The following DMAC2 variants were observed in gnomAD, a reference collection of about 807,000 sequenced individuals.
The protein encoded by DMAC2 is distal membrane-arm assembly complex protein 2.
Under a neutral mutation model 29.6 loss-of-function variants are expected in DMAC2, and 32 were observed. The observed-to-expected ratio is 1.08, with a 90% confidence interval of 0.81 to 1.45. DMAC2 has a LOEUF of 1.45. DMAC2 is among the 40% of genes most tolerant of loss of function. The probability of loss-of-function intolerance (pLI) is 0.00; values close to 1 mark genes in which losing one functional copy is unlikely to be tolerated. For missense variants in DMAC2, 319 were observed against 340.0 expected (o/e 0.94, Z 0.49); for synonymous variants, 133 against 137.4 (o/e 0.97, Z 0.23).
At chr19:41,434,397 C>CA (rs1160927067) in intron 3 of DMAC2, among the ~76,000 whole-genome samples, 26,173 of 62,936 alleles carry the variant, frequency 0.42, 5,246 homozygotes, top group East Asian at 0.52. Flanking sequence ...GACCCTATCT[C>CA]AAAAAAAAAA....
chr19:41,433,440 G>A lies in DMAC2; in HGVS notation c.434-6C>T, dbSNP rs781928235. 1.2e-6 allele frequency: 2 copies of A among 1,613,364 alleles called. 1 individual carries two copies. Among genetic ancestry groups the A allele is most frequent in the Middle Eastern group, 3.3e-4 (2 of 6,058 alleles). ...CTGGAGCTCCTTCAGGCGGACTGCG[G>A]TGGGGAGAGGGTGGGATGGCACCAG... On this transcript the variant is annotated splice_polypyrimidine_tract_variant and splice_region_variant and intron_variant, in intron 4 of 5. Coordinates refer to ENST00000221943, the MANE Select transcript of DMAC2 (RefSeq NM_018035.3).
intron 3 of DMAC2, among the ~76,000 whole-genome samples, chr19:41,435,007 C>A (rs1260139464): frequency 5.8e-4 from 79 of 135,120 alleles, no homozygotes; most frequent in South Asian, 7.2e-4. Flanking sequence ...ACTCTTGTCT[C>A]AAAAAAAAAA....
Position 41,438,321 on chromosome 19 carries a change from T to C in DMAC2, c.112A>G (p.Lys38Glu), listed in dbSNP as rs781785660. The C allele has an allele frequency of 6.2e-7, 1 of 1,614,248 alleles. No homozygotes were observed. The highest frequency in any genetic ancestry group is 8.5e-7 in the Non-Finnish European group (1 of 1,180,036). The stretch of plus-strand genomic sequence containing the variant: ...GTCAGGAACTGGAGTATTGTCCTTT[T>C]CTTCTTCTGATTGCCCTCTGGGGCC... ...AVAPEGNQKK[K>E]RTILQFLTNY... The change falls in exon 2 of 6, where the codon AAA becomes GAA. Residue 38 changes from lysine to glutamate, a missense_variant. Transcript: ENST00000221943.
chr19:41,433,544 A>G lies in DMAC2; in HGVS notation c.426T>C (p.Asp142=), dbSNP rs1237885512. The part of the protein sequence containing the change: ...GDCDINYEGL[D]NLLRLKELQS... Reference sequence around the variant, plus strand: ...CCACCCCACCGCACTCACGGAGGTTATCCAGGCCCTCGTAGTTGATGTCAC... The same window carrying G: ...CCACCCCACCGCACTCACGGAGGTTGTCCAGGCCCTCGTAGTTGATGTCAC... Residue 142 remains aspartate, a synonymous_variant, in exon 4 of 6, where the codon GAT becomes GAC. Transcript: ENST00000221943. 1 of 1,614,224 alleles carries G rather than the reference A, an allele frequency of 6.2e-7. No individual in the cohort carries two copies. Among genetic ancestry groups the G allele is most frequent in the Non-Finnish European group, 8.5e-7 (1 of 1,180,036 alleles).
intron 1 of DMAC2, 64 bp downstream of exon 1, chr19:41,439,818 C>T (rs1555772517): frequency 6.2e-7 from 1 of 1,611,180 alleles, no homozygotes; most frequent in East Asian, 2.2e-5. Flanking sequence ...CCAACAGAGG[C>T]CCTGAATGCG....
chr19:41,439,576 T>A, intron 1 of DMAC2: 1 of 1,526,358 alleles, frequency 6.6e-7, no homozygotes, highest in Non-Finnish European at 8.8e-7. Context: ...ATTAGCTCCT[T>A]GTGTCATCCC....
Position 41,432,137 on chromosome 19 carries a change from G to A in DMAC2, c.*94C>T, listed in dbSNP as rs1253435934. ...AGCACCACTCCCCCACCCTGACGTT[G>A]AGTGAAGACAAATGGAAGCCAGAAG... On this transcript the variant is annotated 3_prime_UTR_variant, in exon 6 of 6. Transcript: ENST00000221943. 14 of 1,412,266 alleles carry A rather than the reference G, an allele frequency of 9.9e-6. No homozygotes were observed. The highest frequency in any genetic ancestry group is 5.6e-5 in the Admixed American group (3 of 53,856). The allele number at this position is 1,412,266 out of a possible 1,614,324, so 87.5% of individuals were successfully genotyped here.
rs2039878432 is a variant in DMAC2 at position 41,436,610 on chromosome 19, C to T, written c.216-138G>A. On this transcript the variant is annotated intron_variant, in intron 2 of 5. Transcript: ENST00000221943. ...CAGTCAGGCTGAAAATATTTATTGC[C>T]CACCTCCTAAGTGCTGGGCACTGGG... is the stretch of plus-strand genomic sequence containing the variant. The T allele has an allele frequency of 4.2e-6, 3 of 718,740 alleles. No individual in the cohort carries two copies. The Admixed American group carries it at 7.4e-5, about 18-fold the overall frequency. The allele number at this position is 718,740 out of a possible 1,614,324, so 44.5% of individuals were successfully genotyped here.
intron 1 of DMAC2, 25 bp from the exon 2 acceptor site, chr19:41,438,439 C>T (rs782591375): frequency 6.3e-7 from 1 of 1,592,456 alleles, no homozygotes; most frequent in South Asian, 1.1e-5. Context: ...AGGAAAGGAG[C>T]TGAGCCTGGA....
intron 2 of DMAC2, among the ~76,000 whole-genome samples, chr19:41,436,726 CAACCCAGGAAAT>C (rs1317040195): frequency 1.3e-5 from 2 of 152,300 alleles, no homozygotes; most frequent in East Asian, 3.9e-4. Context: ...AAACAGATAA[CAACCCAGGAAAT>C]AACAGCAAAC....
intron 3 of DMAC2, among the ~76,000 whole-genome samples, chr19:41,434,293 A>G (rs1255654451): frequency 1.3e-5 from 2 of 150,842 alleles, no homozygotes; most frequent in African/African-American, 2.4e-5. Context: ...CTGTGGTCTC[A>G]GCTACTTGGG....
rs1343898824 is a variant in DMAC2, at chr19:41,432,099, C to G, written c.*132G>C. The G allele has an allele frequency of 9.7e-7, 1 of 1,025,914 alleles. No homozygotes were observed. 63.6% of individuals were successfully genotyped at this position (1,025,914 alleles called of 1,614,324 possible). The stretch of plus-strand genomic sequence containing the variant: ...TAAATACTGGGAACTCACGCTCTCT[C>G]CTGTGATTGGCCAGCACCACTCCCC... On this transcript the variant is annotated 3_prime_UTR_variant, in exon 6 of 6. Transcript: ENST00000221943.
intron 5 of DMAC2, chr19:41,432,842 A>T (rs2039636647): frequency 2.2e-6 from 1 of 463,114 alleles, no homozygotes; most frequent in African/African-American, 2.5e-5. Flanking sequence ...CCCAAATTTC[A>T]ACCTTACAGG....
rs781948379 is a variant in DMAC2, at chr19:41,431,784, T to C, written c.*447A>G. 4.3e-6 allele frequency: 1 copy of C among 230,236 alleles called. No homozygotes were observed. 14.3% of individuals were successfully genotyped at this position (230,236 alleles called of 1,614,324 possible). ...GTGCGCTGGCCTTTAGTGAGTGGAG[T>C]GGGGCGAAGGATGCTGCATGTCCTG... is the stretch of plus-strand genomic sequence containing the variant. On this transcript the variant is annotated 3_prime_UTR_variant, in exon 6 of 6. Coordinates refer to ENST00000221943, the MANE Select transcript of DMAC2 (RefSeq NM_018035.3).
At position 41,436,389 on chromosome 19, in the gene DMAC2, T is replaced by C. The variant is rs2039865054; in HGVS notation, c.296+3A>G. ...GCCCGTTCTAACACCTTAGCGGTCA[T>C]ACTTGACTGCGCCTCCCTGCTTCAG... On this transcript the variant is annotated splice_donor_region_variant and intron_variant, in intron 3 of 5. Coordinates refer to ENST00000221943, the MANE Select transcript of DMAC2 (RefSeq NM_018035.3). 1 of 1,613,822 alleles carries C rather than the reference T, an allele frequency of 6.2e-7. No homozygotes were observed. Among genetic ancestry groups the C allele is most frequent in the Non-Finnish European group, 8.5e-7 (1 of 1,179,814 alleles).
intron 1 of DMAC2, chr19:41,439,107 G>A (rs1284051897): frequency 8.9e-6 from 2 of 225,782 alleles, no homozygotes; most frequent in East Asian, 1.4e-4. Context: ...GAAGAGGAGA[G>A]TAAGAAAGTC....
At chr19:41,438,460 AG>A in intron 1 of DMAC2, 46 bp from the exon 2 acceptor site, 3 of 1,522,620 alleles carry the variant, frequency 2.0e-6, no homozygotes, top group Non-Finnish European at 8.9e-7. Context: ...GCCTCCTGGG[AG>A]ACACAGAGCT....
Position 41,433,616 on chromosome 19 carries a change from G to A in DMAC2, c.354C>T (p.Phe118=). ...PDKYGHFSQE[F]WNFCEVPVEA... is the part of the protein sequence containing the mutation. The stretch of plus-strand genomic sequence containing the variant: ...CGACAGGCACTTCACAGAAATTCCA[G>A]AACTCCTGAGAGAAATGGCCATACT... Residue 118 remains phenylalanine (F), a synonymous_variant, in exon 4 of 6, where the codon TTC becomes TTT. Coordinates refer to ENST00000221943, the MANE Select transcript of DMAC2 (RefSeq NM_018035.3). 1.2e-6 allele frequency: 2 copies of A among 1,614,194 alleles called. No homozygotes were observed. Among genetic ancestry groups the A allele is most frequent in the Non-Finnish European group, 1.7e-6 (2 of 1,180,028 alleles).
chr19:41,433,483 A>G lies in DMAC2; in HGVS notation c.434-49T>C, dbSNP rs782113805. 25 of 1,612,770 alleles carry G rather than the reference A, an allele frequency of 1.6e-5. No individual in the cohort carries two copies. In the East Asian group the frequency reaches 5.6e-4, roughly 36 times the overall value. On this transcript the variant is annotated intron_variant, in intron 4 of 5. Coordinates refer to ENST00000221943, the MANE Select transcript of DMAC2 (RefSeq NM_018035.3). The stretch of plus-strand genomic sequence containing the variant: ...GGCACCAGGAGCCTTTCTGGAGCCC[A>G]TCACCAAAGGGAAAACATAGAGGCC...
Sources: allele counts gnomAD v4.1 joint callset (sites outside exome capture counted in the v4.1 genomes callset), GRCh38; gene constraint gnomAD v4.1.1; transcripts MANE v1.5; gene names NCBI Gene and HGNC (gene_info 2026-07-23, HGNC 2026-07-21).